PTCD2: variants seen among roughly 807,000 people sequenced by gnomAD.
PTCD2 encodes pentatricopeptide repeat domain 2, also known as pentatricopeptide repeat-containing protein 2, mitochondrial.
PTCD2 carries 31 observed loss-of-function variants against 42.6 expected under a neutral mutation model. The ratio of observed to expected loss-of-function variants is 0.73; its 90% CI spans 0.55 to 0.98. The LOEUF (loss-of-function observed/expected upper bound fraction) is 0.98. Ranked by LOEUF, PTCD2 falls within the 50% of genes least tolerant of loss-of-function variation. The probability of loss-of-function intolerance (pLI) is 0.00; values close to 1 mark genes in which losing one functional copy is unlikely to be tolerated. For synonymous variants in PTCD2, 183 were observed against 170.9 expected (o/e 1.07, Z -0.55); for missense variants, 476 against 454.8 (o/e 1.05, Z -0.42).
chr5:72,323,366 T>C (rs184048723), intron 2 of PTCD2, among the ~76,000 whole-genome samples: 2 of 152,298 alleles, frequency 1.3e-5, no homozygotes, highest in East Asian at 1.9e-4. Flanking sequence ...CCTAGGTCTT[T>C]TTCCCTTTCA....
chr5:72,343,150 GT>G, intron 8 of PTCD2, 114 bp downstream of exon 8: 1 of 454,650 alleles, frequency 2.2e-6, no homozygotes, highest in Non-Finnish European at 3.7e-6. Flanking sequence ...CTCTCCCAAG[GT>G]TTTCATTCAA....
intron 7 of PTCD2, among the ~76,000 whole-genome samples, chr5:72,342,570 A>G (rs772689327): frequency 6.6e-6 from 1 of 152,222 alleles, no homozygotes; most frequent in Non-Finnish European, 1.5e-5. Context: ...GAACCCTGCC[A>G]GCCTCCATTT....
chr5:72,327,056 T>C (rs752875698), intron 3 of PTCD2, among the ~76,000 whole-genome samples: 3 of 152,234 alleles, frequency 2.0e-5, no homozygotes, highest in Non-Finnish European at 4.4e-5. Flanking sequence ...CCTCTTCTTC[T>C]GTTTTCCTTC....
chr5:72,320,433 C>T lies in PTCD2; in HGVS notation c.51C>T (p.Leu17=), dbSNP rs778030125. Residue 17 remains leucine, a synonymous_variant, in exon 1 of 10, where the codon CTC becomes CTT. Coordinates refer to ENST00000380639, the MANE Select transcript of PTCD2 (RefSeq NM_024754.5). ...CATTTCGGCCCTCGAATCGAGTTCT[C>T]CTGCAGGCGCTGCAGATTTTGGTGT... The part of the protein sequence containing the change: ...AAAFRPSNRV[L]LQALQILVYP... 9 of 1,614,046 alleles carry T rather than the reference C, an allele frequency of 5.6e-6. No homozygotes were observed. Among genetic ancestry groups the T allele is most frequent in the South Asian group, 4.4e-5 (4 of 91,076 alleles).
rs1753206775 is a variant in PTCD2, at chr5:72,366,397, CAGTATTTGAACCCAGG to C, written c.*7973_*7988del. On this transcript the variant is annotated 3_prime_UTR_variant, in exon 10 of 10. Transcript: ENST00000380639. ...TATAACACTAGAGAGCGGGAGAGCA[CAGTATTTGAACCCAGG>C]AGGTCTGATGCTGGAGGTCATGTTT... is the stretch of plus-strand genomic sequence containing the variant. 1 of 152,100 alleles carries C rather than the reference CAGTATTTGAACCCAGG, an allele frequency of 6.6e-6. No homozygotes were observed. The allele number at this position is 152,100 out of a possible 1,614,324, so 9.4% of individuals were successfully genotyped here. A position where few individuals can be genotyped will look rare whatever the true frequency, so the allele number is the denominator to read the frequency against.
chr5:72,338,908 G>C (rs1267400432), intron 7 of PTCD2, among the ~76,000 whole-genome samples, 173 bp downstream of exon 7: 1 of 152,170 alleles, frequency 6.6e-6, no homozygotes, highest in Non-Finnish European at 1.5e-5. Context: ...TACCCACAAA[G>C]AATGATTTTA....
chr5:72,353,288 C>T (rs1433058587), intron 9 of PTCD2, among the ~76,000 whole-genome samples: 1 of 152,176 alleles, frequency 6.6e-6, no homozygotes, highest in Non-Finnish European at 1.5e-5. Context: ...CAGAAGTTGA[C>T]TCACTCTTTT....
At chr5:72,335,306 G>A (rs377568786) in intron 5 of PTCD2, among the ~76,000 whole-genome samples, 2 of 151,856 alleles carry the variant, frequency 1.3e-5, no homozygotes, top group Non-Finnish European at 2.9e-5. Flanking sequence ...AAAATTAGCC[G>A]GGCGCGGTGG....
intron 3 of PTCD2, among the ~76,000 whole-genome samples, chr5:72,329,213 C>T (rs2112139836): frequency 6.6e-6 from 1 of 152,326 alleles, no homozygotes; most frequent in Middle Eastern, 3.4e-3. Context: ...TACCCAGTTG[C>T]TGACCTTTTC....
intron 8 of PTCD2, among the ~76,000 whole-genome samples, chr5:72,351,178 A>C (rs1439038067): frequency 6.6e-6 from 1 of 152,168 alleles, no homozygotes; most frequent in Non-Finnish European, 1.5e-5. Flanking sequence ...AGTTATTCTC[A>C]CTTTCTTTAA....
In PTCD2 at chr5:72,363,979, G is replaced by A. The variant is rs1176460026; in HGVS notation, c.*5552G>A. 5.9e-5 allele frequency: 9 copies of A among 152,144 alleles called. No homozygotes were observed. The highest frequency in any genetic ancestry group is 5.9e-4 in the Admixed American group (9 of 15,270). The allele number at this position is 152,144 out of a possible 1,614,324, so 9.4% of individuals were successfully genotyped here. ...ATTACAGCGGCAAAAGCTATCATCA[G>A]TAATATTTGATATGCATAAGAAACC... On this transcript the variant is annotated 3_prime_UTR_variant, in exon 10 of 10. Transcript: ENST00000380639.
rs556562280 is a variant in PTCD2 at position 72,328,668 on chromosome 5, C to T, written c.350+1927C>T. The stretch of plus-strand genomic sequence containing the variant: ...GATTTCATTGTTTTGGTAGATTTTG[C>T]TTTACATTGTTATAGTTATTGCTGT... On this transcript the variant is annotated intron_variant, in intron 3 of 9. Transcript: ENST00000380639. 2.0e-5 allele frequency among the ~76,000 whole-genome samples: 3 copies of T among 151,482 alleles called. 1 individual carries two copies. In the South Asian group the frequency reaches 6.3e-4, roughly 32 times the overall value.
chr5:72,326,577 C>A (rs750931636), intron 2 of PTCD2, 35 bp from the exon 3 acceptor site: 2 of 1,612,132 alleles, frequency 1.2e-6, no homozygotes, highest in Non-Finnish European at 1.7e-6. Context: ...CTCAGTCAGC[C>A]TGAGTGATGG....
In PTCD2 at chr5:72,358,765, T is replaced by C; in HGVS notation, c.*338T>C. ...GAATGAATTTCACTACAAGTGTGGATAACTCTGATTTTCAAAGGAGTAGTT... is the reference window on the plus strand; with the variant it reads ...GAATGAATTTCACTACAAGTGTGGACAACTCTGATTTTCAAAGGAGTAGTT... On this transcript the variant is annotated 3_prime_UTR_variant, in exon 10 of 10. Coordinates refer to ENST00000380639, the MANE Select transcript of PTCD2 (RefSeq NM_024754.5). 1 of 290,670 alleles carries C rather than the reference T, an allele frequency of 3.4e-6. No homozygotes were observed. Among genetic ancestry groups the C allele is most frequent in the East Asian group, 7.4e-5 (1 of 13,522 alleles). 18.0% of individuals were successfully genotyped at this position (290,670 alleles called of 1,614,324 possible). A position where few individuals can be genotyped will look rare whatever the true frequency, so the allele number is the denominator to read the frequency against.
At chr5:72,352,470 C>T (rs569335664) in intron 8 of PTCD2, among the ~76,000 whole-genome samples, 171 bp from the exon 9 acceptor site, 1 of 152,194 alleles carries the variant, frequency 6.6e-6, no homozygotes, top group African/African-American at 2.4e-5. Context: ...CATTTTGGCT[C>T]GTAAGTGTAC....
At chr5:72,329,945 T>G (rs1396034905) in intron 3 of PTCD2, among the ~76,000 whole-genome samples, 3 of 151,714 alleles carry the variant, frequency 2.0e-5, no homozygotes, top group African/African-American at 7.3e-5. Flanking sequence ...TCTTTTTTTT[T>G]TTTTTGAGAT....
chr5:72,362,333 A>G lies in PTCD2; in HGVS notation c.*3906A>G, dbSNP rs1481704029. ...GTCACCCCTTCCTTTAAGCGAGGTC[A>G]TGGCAAAAAGACGCTGTCTATGAAC... On this transcript the variant is annotated 3_prime_UTR_variant, in exon 10 of 10. Coordinates refer to ENST00000380639, the MANE Select transcript of PTCD2 (RefSeq NM_024754.5). The G allele has an allele frequency of 1.3e-5, 2 of 152,188 alleles. No individual in the cohort carries two copies. Among genetic ancestry groups the G allele is most frequent in the Non-Finnish European group, 2.9e-5 (2 of 68,046 alleles). 9.4% of individuals were successfully genotyped at this position (152,188 alleles called of 1,614,324 possible).
chr5:72,345,589 A>G (rs1752319410), intron 8 of PTCD2, among the ~76,000 whole-genome samples: 1 of 152,250 alleles, frequency 6.6e-6, no homozygotes, highest in African/African-American at 2.4e-5. Flanking sequence ...GACAGGCATA[A>G]GAAATTATAA....
intron 8 of PTCD2, among the ~76,000 whole-genome samples, chr5:72,346,032 A>G (rs557547858): frequency 1.1e-4 from 17 of 152,326 alleles, no homozygotes; most frequent in African/African-American, 3.6e-4. Context: ...ATGAGTATTT[A>G]TGGTAAATTT....
Sources: allele counts gnomAD v4.1 joint callset (sites outside exome capture counted in the v4.1 genomes callset), GRCh38; gene constraint gnomAD v4.1.1; transcripts MANE v1.5; gene names NCBI Gene and HGNC (gene_info 2026-07-23, HGNC 2026-07-21).